The following FHIT variants were observed in gnomAD, a reference collection of about 807,000 sequenced individuals.
FHIT encodes bis(5'-adenosyl)-triphosphatase.
Under a neutral mutation model 17.9 loss-of-function variants are expected in FHIT, and 19 were observed. The observed-to-expected ratio is 1.06, with a 90% confidence interval of 0.74 to 1.56. FHIT has a LOEUF of 1.56. FHIT is among the 40% of genes most tolerant of loss of function. FHIT has a pLI of 0.00. For synonymous variants in FHIT, 81 were observed against 69.7 expected, an observed-to-expected ratio of 1.16 and a Z score of -0.81; for missense variants, 248 against 189.2, an observed-to-expected ratio of 1.31 and a Z score of -1.82.
chr3:60,464,206 A>G (rs190660327), intron 5 of FHIT, among the ~76,000 whole-genome samples: 1 of 152,150 alleles, frequency 6.6e-6, no homozygotes, highest in Non-Finnish European at 1.5e-5. Flanking sequence ...GTTCCCCTGC[A>G]TTCATTTTTT....
intron 5 of FHIT, among the ~76,000 whole-genome samples, chr3:60,149,335 C>T (rs1300988334): frequency 2.5e-5 from 3 of 118,958 alleles, no homozygotes; most frequent in South Asian, 6.2e-4. Flanking sequence ...ATATACTCTT[C>T]AACATGCTTT....
At chr3:60,304,007 G>A (rs976415274) in intron 5 of FHIT, among the ~76,000 whole-genome samples, 2 of 152,076 alleles carry the variant, frequency 1.3e-5, no homozygotes, top group South Asian at 2.1e-4. Flanking sequence ...TGCACAGCTT[G>A]CTTTCATTTT....
At chr3:60,752,914 C>A (rs1192947236) in intron 4 of FHIT, among the ~76,000 whole-genome samples, 10 of 152,134 alleles carry the variant, frequency 6.6e-5, no homozygotes, top group African/African-American at 2.4e-4. Flanking sequence ...ATAGAGATCT[C>A]TAGGTATCCC....
At chr3:59,918,696 T>C (rs1705258547) in intron 8 of FHIT, among the ~76,000 whole-genome samples, 1 of 152,128 alleles carries the variant, frequency 6.6e-6, no homozygotes, top group South Asian at 2.1e-4. Flanking sequence ...TCCAATGCCT[T>C]CAGGAGCTAT....
chr3:61,027,128 C>T (rs540190012), intron 3 of FHIT, among the ~76,000 whole-genome samples: 283 of 152,026 alleles, frequency 1.9e-3, no homozygotes, highest in African/African-American at 6.5e-3. Flanking sequence ...GCTCTGTTGC[C>T]CAGGCTACAG....
chr3:60,255,057 G>C (rs1449251787), intron 5 of FHIT, among the ~76,000 whole-genome samples: 1 of 152,104 alleles, frequency 6.6e-6, no homozygotes, highest in Non-Finnish European at 1.5e-5. Flanking sequence ...TTAGCATTAA[G>C]TTTACCAAAA....
At chr3:61,065,110 G>A (rs1309163148) in intron 2 of FHIT, among the ~76,000 whole-genome samples, 2 of 152,052 alleles carry the variant, frequency 1.3e-5, no homozygotes, top group Non-Finnish European at 2.9e-5. Context: ...ACAAAAAAAA[G>A]ACACATGAAG....
chr3:60,368,190 C>A (rs1255874153), intron 5 of FHIT, among the ~76,000 whole-genome samples: 87 of 122,890 alleles, frequency 7.1e-4, no homozygotes, highest in African/African-American at 2.3e-3. Context: ...TAAAACATAT[C>A]TTTTTAAAAA....
intron 4 of FHIT, among the ~76,000 whole-genome samples, chr3:60,780,514 G>C (rs1481106328): frequency 6.6e-6 from 1 of 152,036 alleles, no homozygotes; most frequent in Non-Finnish European, 1.5e-5. Context: ...CCTTCATTTC[G>C]TTTTGATACA....
At chr3:60,895,437 G>A (rs1705740764) in intron 3 of FHIT, among the ~76,000 whole-genome samples, 1 of 152,096 alleles carries the variant, frequency 6.6e-6, no homozygotes, top group Non-Finnish European at 1.5e-5. Flanking sequence ...AATAATGTAT[G>A]GGAAGACTTT....
intron 2 of FHIT, among the ~76,000 whole-genome samples, chr3:61,109,691 A>G (rs2036096858): frequency 1.3e-5 from 2 of 151,316 alleles, no homozygotes; most frequent in African/African-American, 2.5e-5. Context: ...CTACAATGTC[A>G]TAAGCAATGT....
chr3:60,642,105 T>C (rs2039740105), intron 4 of FHIT, among the ~76,000 whole-genome samples: 1 of 152,012 alleles, frequency 6.6e-6, no homozygotes, highest in African/African-American at 2.4e-5. Flanking sequence ...CCCCCATCTC[T>C]CTCTCTCTGC....
At chr3:60,280,318 T>C (rs1270331224) in intron 5 of FHIT, among the ~76,000 whole-genome samples, 1 of 152,284 alleles carries the variant, frequency 6.6e-6, no homozygotes, top group South Asian at 2.1e-4. Flanking sequence ...TGTAGTATAG[T>C]AGGCTGACTA....
chr3:60,605,917 A>ATATAAAAACACTATAG (rs1247518343), intron 4 of FHIT, among the ~76,000 whole-genome samples: 1 of 152,198 alleles, frequency 6.6e-6, no homozygotes, highest in Middle Eastern at 3.2e-3. Context: ...TGTAAATAGT[A>ATATAAAAACACTATAG]TATAAAAACA....
Position 59,791,452 on chromosome 3 carries a change from C to G in FHIT, c.349-39131G>C, listed in dbSNP as rs889593973. Among the ~76,000 whole-genome samples, 5 of 152,182 alleles carry G rather than the reference C, an allele frequency of 3.3e-5. No homozygotes were observed. In the South Asian group the frequency reaches 6.2e-4, roughly 19 times the overall value. On this transcript the variant is annotated intron_variant, in intron 8 of 9. Coordinates refer to ENST00000492590, the MANE Select transcript of FHIT (RefSeq NM_002012.4). ...AGAGAAGCAGAGAGACACAAAGCCCCTAATGACATTGCTTGTGCCCCTGGA... is the reference window on the plus strand; with the variant it reads ...AGAGAAGCAGAGAGACACAAAGCCCGTAATGACATTGCTTGTGCCCCTGGA...
At chr3:60,405,026 T>G (rs968539550) in intron 5 of FHIT, among the ~76,000 whole-genome samples, 2 of 152,170 alleles carry the variant, frequency 1.3e-5, no homozygotes, top group African/African-American at 2.4e-5. Flanking sequence ...AACTGGTGAT[T>G]TTGTCCTCCA....
intron 8 of FHIT, among the ~76,000 whole-genome samples, chr3:59,781,270 G>C (rs1002831898): frequency 6.6e-6 from 1 of 152,198 alleles, no homozygotes; most frequent in Non-Finnish European, 1.5e-5. Context: ...GCATTGCTAA[G>C]TGCATGATTA....
At chr3:61,017,053 G>A (rs757128023) in intron 3 of FHIT, among the ~76,000 whole-genome samples, 5 of 152,182 alleles carry the variant, frequency 3.3e-5, no homozygotes, top group Non-Finnish European at 5.9e-5. Flanking sequence ...TTGGGAGGCC[G>A]AGGTGAGCAG....
At chr3:60,592,919 T>C (rs1171439007) in intron 4 of FHIT, among the ~76,000 whole-genome samples, 1 of 152,076 alleles carries the variant, frequency 6.6e-6, no homozygotes. Context: ...GTGCCTGGGA[T>C]ATAGCACTGT....
Sources: allele counts gnomAD v4.1 joint callset (sites outside exome capture counted in the v4.1 genomes callset), GRCh38; gene constraint gnomAD v4.1.1; transcripts MANE v1.5; gene names NCBI Gene and HGNC (gene_info 2026-07-23, HGNC 2026-07-21).